Variants in TERB1 observed in about 807,000 individuals in gnomAD.
TERB1 encodes the protein telomere repeat binding bouquet formation protein 1.
TERB1 carries 63 observed loss-of-function variants against 92.3 expected under a neutral mutation model. The observed-to-expected ratio is 0.68, with a 90% CI of 0.56 to 0.84. TERB1 has a LOEUF of 0.84. Among genes scored for constraint, TERB1 ranks in the 40% least tolerant of loss-of-function variants. TERB1 has a pLI of 0.00. For missense variants in TERB1, 709 were observed against 843.7 expected (o/e 0.84, Z 1.98); for synonymous variants, 252 against 283.9 (o/e 0.89, Z 1.13).
At chr16:66,786,926 A>ACTTC (rs945873716) in intron 6 of TERB1, among the ~76,000 whole-genome samples, 29 of 152,150 alleles carry the variant, frequency 1.9e-4, no homozygotes, top group African/African-American at 6.5e-4. Context: ...AACCACCCAG[A>ACTTC]CTTCCCCCTC....
At chr16:66,779,160 T>G (rs2018596078) in intron 9 of TERB1, 145 bp from the exon 10 acceptor site, 2 of 538,752 alleles carry the variant, frequency 3.7e-6, no homozygotes, top group Non-Finnish European at 6.1e-6. Flanking sequence ...AATCCAATCT[T>G]TACCTGTGCA....
At chr16:66,799,921 A>AT (rs1027764743) in intron 2 of TERB1, 2 of 152,110 alleles carry the variant, frequency 1.3e-5, no homozygotes, top group Non-Finnish European at 1.5e-5. Flanking sequence ...GGAAAAAAGG[A>AT]TTTTTTTCTG....
rs1364354626 is a variant in TERB1 at position 66,778,930 on chromosome 16, C to T, written c.786G>A (p.Glu262=). 1.3e-6 allele frequency: 2 copies of T among 1,538,192 alleles called. No individual in the cohort carries two copies. The highest frequency in any genetic ancestry group is 1.2e-5 in the South Asian group (1 of 83,014). The change falls in exon 10 of 19, where the codon GAG becomes GAA. Residue 262 remains glutamate, a synonymous_variant. Coordinates refer to ENST00000433154, the MANE Select transcript of TERB1 (RefSeq NM_001136505.2). ...CTGCAAGTTTAGCACTGGAAAGAGT[C>T]TCATGTGAATCAGATTCCAGCTGCA... is the stretch of plus-strand genomic sequence containing the variant. ...VLMQLESDSH[E]TLSSAKLAVV...
chr16:66,794,541 T>G (rs1481835553), intron 3 of TERB1, among the ~76,000 whole-genome samples: 1 of 152,194 alleles, frequency 6.6e-6, no homozygotes, highest in Non-Finnish European at 1.5e-5. Flanking sequence ...GGTTTTTATC[T>G]TCTCTAGGCA....
Position 66,800,392 on chromosome 16 carries a change from G to GTT in TERB1, c.-33+583_-33+584dup, listed in dbSNP as rs537071270. 1.8e-3 allele frequency among the ~76,000 whole-genome samples: 168 copies of GTT among 92,860 alleles called. 3 individuals carry two copies. The highest frequency in any genetic ancestry group is 4.2e-3 in the African/African-American group (63 of 14,918). The allele number at this position is 92,860 out of a possible 152,430, so 60.9% of individuals were successfully genotyped here. ...AAATAAATAAATAAAAATAAAGAAA[G>GTT]TTTTTTTTTTTTTTTTTTGAGACAG... On this transcript the variant is annotated intron_variant, in intron 2 of 18. Transcript: ENST00000433154.
At chr16:66,772,846 T>G in intron 12 of TERB1, 97 bp from the exon 13 acceptor site, 1 of 939,316 alleles carries the variant, frequency 1.1e-6, no homozygotes, top group East Asian at 2.7e-5. Flanking sequence ...CTCTAAATTT[T>G]TCCATCCAGA....
chr16:66,759,942 G>T (rs2018204402), intron 16 of TERB1, among the ~76,000 whole-genome samples: 1 of 149,816 alleles, frequency 6.7e-6, no homozygotes, highest in Non-Finnish European at 1.5e-5. Flanking sequence ...AGACCAGCCT[G>T]GCCAATATGG....
At position 66,770,261 on chromosome 16, in the gene TERB1, T is replaced by A; in HGVS notation, c.1321A>T (p.Ile441Leu). Residue 441 changes from isoleucine to leucine, a missense_variant, in exon 14 of 19, where the codon ATA becomes TTA. Transcript: ENST00000433154. ...NYQDNISSMN[I>L]SIQNTWKHLH... Reference sequence around the variant, plus strand: ...TGTTTCCATGTATTCTGAATACTTATGTTCATAGATGAAATATTATCCTGA... The same window carrying A: ...TGTTTCCATGTATTCTGAATACTTAAGTTCATAGATGAAATATTATCCTGA... 1 of 1,551,358 alleles carries A rather than the reference T, an allele frequency of 6.4e-7. No homozygotes were observed. Among genetic ancestry groups the A allele is most frequent in the Non-Finnish European group, 8.7e-7 (1 of 1,146,702 alleles).
intron 9 of TERB1, among the ~76,000 whole-genome samples, chr16:66,784,734 T>G (rs554229456): frequency 1.4e-3 from 215 of 148,804 alleles, no homozygotes; most frequent in Middle Eastern, 3.4e-3. Context: ...CCCACAGATT[T>G]CTTTTAATTT....
intron 10 of TERB1, among the ~76,000 whole-genome samples, chr16:66,778,155 T>C (rs2145166474): frequency 6.6e-6 from 1 of 152,352 alleles, no homozygotes; most frequent in South Asian, 2.1e-4. Context: ...TAATGCTGTG[T>C]TGGGTAAATC....
At chr16:66,792,328 A>G (rs1215488076) in intron 3 of TERB1, among the ~76,000 whole-genome samples, 1 of 152,194 alleles carries the variant, frequency 6.6e-6, no homozygotes, top group African/African-American at 2.4e-5. Context: ...CATACTTAAC[A>G]GGGAGAGACT....
At chr16:66,771,118 A>C (rs183548552) in intron 13 of TERB1, among the ~76,000 whole-genome samples, 1 of 152,346 alleles carries the variant, frequency 6.6e-6, no homozygotes, top group Admixed American at 6.5e-5. Context: ...ATGAAATATG[A>C]AAAAAGATCA....
intron 3 of TERB1, among the ~76,000 whole-genome samples, chr16:66,794,753 AC>A (rs2018897161): frequency 6.6e-6 from 1 of 152,198 alleles, no homozygotes; most frequent in Admixed American, 6.5e-5. Flanking sequence ...TACTAAAAAT[AC>A]AAAAAATTAG....
In TERB1 at chr16:66,786,292, A is replaced by G; in HGVS notation, c.401-7T>C. 2 of 1,536,708 alleles carry G rather than the reference A, an allele frequency of 1.3e-6. No individual in the cohort carries two copies. Among genetic ancestry groups the G allele is most frequent in the Non-Finnish European group, 1.8e-6 (2 of 1,137,670 alleles). On this transcript the variant is annotated splice_region_variant and splice_polypyrimidine_tract_variant and intron_variant, in intron 6 of 18. Coordinates refer to ENST00000433154, the MANE Select transcript of TERB1 (RefSeq NM_001136505.2). ...ACAAGTGTTTGTCCGGTCCCTTAAA[A>G]AAATAGCCATATAAAAATATGAGTT...
At chr16:66,762,019 C>T (rs549556065) in intron 16 of TERB1, among the ~76,000 whole-genome samples, 110 of 152,354 alleles carry the variant, frequency 7.2e-4, no homozygotes, top group African/African-American at 2.3e-3. Context: ...CACCGCTGCA[C>T]GCCAGCCTGG....
chr16:66,762,118 T>C (rs1167271577), intron 16 of TERB1, among the ~76,000 whole-genome samples: 1 of 152,242 alleles, frequency 6.6e-6, no homozygotes, highest in East Asian at 1.9e-4. Context: ...AGGGAAGATA[T>C]CCAAAAGAAG....
At chr16:66,768,366 A>G (rs1315708224) in intron 14 of TERB1, among the ~76,000 whole-genome samples, 198 bp from the exon 15 acceptor site, 1 of 152,328 alleles carries the variant, frequency 6.6e-6, no homozygotes, top group East Asian at 1.9e-4. Context: ...GCTCGAGTCA[A>G]ACAAGACTCC....
At position 66,770,287 on chromosome 16, in the gene TERB1, T is replaced by C. The variant is rs891369870; in HGVS notation, c.1295A>G (p.Tyr432Cys). ...GNEEEIQREN[Y>C]QDNISSMNIS... is the part of the protein sequence containing the mutation. ...GTTCATAGATGAAATATTATCCTGA[T>C]AGTTTTCTCTTTGTATTTCTTCCTA... Residue 432 changes from tyrosine (Y) to cysteine (C), a missense_variant, in exon 14 of 19, where the codon TAT becomes TGT. Coordinates refer to ENST00000433154, the MANE Select transcript of TERB1 (RefSeq NM_001136505.2). The C allele has an allele frequency of 1.8e-5, 28 of 1,544,174 alleles. No homozygotes were observed. Among genetic ancestry groups the C allele is most frequent in the Non-Finnish European group, 2.3e-5 (26 of 1,142,482 alleles).
At chr16:66,777,696 C>T (rs577395220) in intron 10 of TERB1, among the ~76,000 whole-genome samples, 1 of 152,252 alleles carries the variant, frequency 6.6e-6, no homozygotes, top group South Asian at 2.1e-4. Flanking sequence ...CCCTTACATA[C>T]CTCTTCTTAT....
Sources: allele counts gnomAD v4.1 joint callset (sites outside exome capture counted in the v4.1 genomes callset), GRCh38; gene constraint gnomAD v4.1.1; transcripts MANE v1.5; gene names NCBI Gene and HGNC (gene_info 2026-07-23, HGNC 2026-07-21).